Variants in FBXL7 observed in about 807,000 individuals in gnomAD.
FBXL7 encodes F-box and leucine rich repeat protein 7.
Under a neutral mutation model 38.3 loss-of-function variants are expected in FBXL7, and 12 were observed. That is an observed-to-expected ratio of 0.31 (90% confidence interval 0.20 to 0.51). The LOEUF (loss-of-function observed/expected upper bound fraction) is 0.51, where lower values mean the gene tolerates loss of function less well. Among genes scored for constraint, FBXL7 ranks in the 20% least tolerant of loss-of-function variants. The probability of loss-of-function intolerance (pLI) is 0.98; values close to 1 mark genes in which losing one functional copy is unlikely to be tolerated. For synonymous variants in FBXL7, 297 were observed against 300.9 expected, an observed-to-expected ratio of 0.99 and a Z score of 0.13; for missense variants, 567 against 676.4, an observed-to-expected ratio of 0.84 and a Z score of 1.79.
intron 2 of FBXL7, among the ~76,000 whole-genome samples, chr5:15,628,458 C>T (rs945609670): frequency 1.3e-5 from 2 of 152,112 alleles, no homozygotes; most frequent in African/African-American, 2.4e-5. Context: ...AATCTTTAGT[C>T]AAGTCTATGA....
intron 2 of FBXL7, among the ~76,000 whole-genome samples, chr5:15,702,038 G>C (rs1743539102): frequency 1.3e-5 from 2 of 152,070 alleles, no homozygotes; most frequent in Non-Finnish European, 2.9e-5. Context: ...AGGAATTCCA[G>C]ACCAGACTGG....
chr5:15,858,808 T>C (rs1209074443), intron 2 of FBXL7, among the ~76,000 whole-genome samples: 1 of 152,206 alleles, frequency 6.6e-6, no homozygotes, highest in Non-Finnish European at 1.5e-5. Context: ...TTGCAGATTT[T>C]ACCATTTTTC....
At chr5:15,590,462 G>A (rs1359725100) in intron 1 of FBXL7, among the ~76,000 whole-genome samples, 2 of 151,872 alleles carry the variant, frequency 1.3e-5, no homozygotes, top group African/African-American at 2.4e-5. Flanking sequence ...TAGAGTTCAA[G>A]TTCCCTACCA....
At chr5:15,884,368 A>G (rs1480635212) in intron 2 of FBXL7, among the ~76,000 whole-genome samples, 1 of 151,526 alleles carries the variant, frequency 6.6e-6, no homozygotes, top group East Asian at 1.9e-4. Context: ...CCGGGTTCAC[A>G]CCATTCTCCT....
intron 1 of FBXL7, among the ~76,000 whole-genome samples, chr5:15,552,729 T>G (rs957478567): frequency 3.9e-5 from 6 of 152,182 alleles, no homozygotes; most frequent in Non-Finnish European, 8.8e-5. Context: ...CAGATCTGAC[T>G]GTGACGTCTT....
rs1263362595 is a variant in FBXL7 at position 15,556,436 on chromosome 5, C to A, written c.37+55723C>A. Among the ~76,000 whole-genome samples, 6 of 152,140 alleles carry A rather than the reference C, an allele frequency of 3.9e-5. No homozygotes were observed. In the East Asian group the frequency reaches 1.2e-3, roughly 29 times the overall value. ...AGGAGGGTCATCTGCTTTACTCAGT[C>A]ACCAATTCAAATGCTGATCTTTTCC... On this transcript the variant is annotated intron_variant, in intron 1 of 3. Transcript: ENST00000504595.
At chr5:15,838,288 G>A (rs1738643674) in intron 2 of FBXL7, among the ~76,000 whole-genome samples, 1 of 152,184 alleles carries the variant, frequency 6.6e-6, no homozygotes, top group South Asian at 2.1e-4. Flanking sequence ...ACCCTAGATT[G>A]AAGCGTTGGC....
chr5:15,714,162 A>T (rs1423201471), intron 2 of FBXL7, among the ~76,000 whole-genome samples: 3 of 152,146 alleles, frequency 2.0e-5, no homozygotes, highest in African/African-American at 4.8e-5. Context: ...CCCCAGTGTT[A>T]GAGGAGGGGT....
intron 1 of FBXL7, among the ~76,000 whole-genome samples, chr5:15,566,819 T>G (rs953400764): frequency 6.6e-6 from 1 of 152,178 alleles, no homozygotes; most frequent in African/African-American, 2.4e-5. Context: ...TGGACCTATT[T>G]ATGGTGACTT....
intron 2 of FBXL7, among the ~76,000 whole-genome samples, chr5:15,835,675 G>C (rs1392973893): frequency 6.6e-6 from 1 of 152,110 alleles, no homozygotes; most frequent in Non-Finnish European, 1.5e-5. Flanking sequence ...TCTGATGCAG[G>C]TCTGACTCTA....
intron 1 of FBXL7, among the ~76,000 whole-genome samples, chr5:15,505,835 C>G (rs1225281607): frequency 9.9e-5 from 15 of 152,042 alleles, no homozygotes; most frequent in African/African-American, 3.6e-4. Flanking sequence ...TTCAAGTGTC[C>G]CCCACATCCG....
At chr5:15,646,350 G>T (rs1424842763) in intron 2 of FBXL7, among the ~76,000 whole-genome samples, 1 of 152,138 alleles carries the variant, frequency 6.6e-6, no homozygotes, top group African/African-American at 2.4e-5. Context: ...CTTGCTTGGG[G>T]TTCTAACCTT....
chr5:15,868,850 C>G (rs1342520288), intron 2 of FBXL7, among the ~76,000 whole-genome samples: 1 of 152,172 alleles, frequency 6.6e-6, no homozygotes, highest in East Asian at 1.9e-4. Flanking sequence ...TAGTTCTCTT[C>G]CCTACTTCAT....
At chr5:15,918,036 C>T (rs113979990) in intron 2 of FBXL7, among the ~76,000 whole-genome samples, 2,138 of 152,010 alleles carry the variant, frequency 0.014, 29 homozygotes, top group Non-Finnish European at 0.022. Flanking sequence ...GTCAGGAGTT[C>T]GAAGCCAGCC....
intron 2 of FBXL7, among the ~76,000 whole-genome samples, chr5:15,625,045 T>C (rs1740768154): frequency 6.6e-6 from 1 of 152,174 alleles, no homozygotes; most frequent in South Asian, 2.1e-4. Context: ...CTGTCATTCA[T>C]TTTTGGACTT....
At chr5:15,667,765 A>G (rs1163520754) in intron 2 of FBXL7, among the ~76,000 whole-genome samples, 2 of 152,142 alleles carry the variant, frequency 1.3e-5, no homozygotes, top group Non-Finnish European at 2.9e-5. Flanking sequence ...CTGTGTGCCA[A>G]CATTCAGGTG....
At chr5:15,755,868 T>C (rs1736283731) in intron 2 of FBXL7, among the ~76,000 whole-genome samples, 1 of 152,168 alleles carries the variant, frequency 6.6e-6, no homozygotes, top group South Asian at 2.1e-4. Context: ...ATCCAGTGCC[T>C]AGCACAGAAG....
chr5:15,609,188 G>A (rs1342205760), intron 1 of FBXL7, among the ~76,000 whole-genome samples: 1 of 152,104 alleles, frequency 6.6e-6, no homozygotes, highest in Non-Finnish European at 1.5e-5. Context: ...CTACTCACTG[G>A]GCTGCCCATT....
chr5:15,752,872 T>G (rs1736190008), intron 2 of FBXL7, among the ~76,000 whole-genome samples: 1 of 152,238 alleles, frequency 6.6e-6, no homozygotes, highest in African/African-American at 2.4e-5. Context: ...GTAAACTACT[T>G]CAGGGACCAC....
Sources: allele counts gnomAD v4.1 joint callset (sites outside exome capture counted in the v4.1 genomes callset), GRCh38; gene constraint gnomAD v4.1.1; transcripts MANE v1.5; gene names NCBI Gene and HGNC (gene_info 2026-07-23, HGNC 2026-07-21).